Variants in LRP11 observed in about 807,000 individuals in gnomAD.
The protein encoded by LRP11 is LDL receptor related protein 11, also known as low-density lipoprotein receptor-related protein 11.
LRP11 carries 25 observed loss-of-function variants against 43.1 expected under a neutral mutation model. The ratio of observed to expected loss-of-function variants is 0.58; its 90% confidence interval spans 0.42 to 0.81. LRP11 has a LOEUF of 0.81. Among genes scored for constraint, LRP11 ranks in the 30% least tolerant of loss-of-function variants. The probability of loss-of-function intolerance (pLI) is 0.00; values close to 1 mark genes in which losing one functional copy is unlikely to be tolerated. For missense variants in LRP11, 623 were observed against 665.1 expected, an observed-to-expected ratio of 0.94 and a Z score of 0.70; for synonymous variants, 316 against 299.4, an observed-to-expected ratio of 1.06 and a Z score of -0.57.
chr6:149,855,681 C>T (rs766271539), intron 1 of LRP11, among the ~76,000 whole-genome samples: 42 of 147,916 alleles, frequency 2.8e-4, no homozygotes, highest in Non-Finnish European at 5.5e-4. Context: ...TGCTGCCAGC[C>T]ACAAAGGGAA....
At chr6:149,842,791 A>G in intron 3 of LRP11, 192 bp downstream of exon 3, 1 of 1,240,526 alleles carries the variant, frequency 8.1e-7, no homozygotes, top group African/African-American at 1.5e-5. Context: ...ACCCCAACCC[A>G]GTAGCATCGG....
intron 2 of LRP11, among the ~76,000 whole-genome samples, chr6:149,848,584 A>C (rs751301080): frequency 6.6e-6 from 1 of 152,222 alleles, no homozygotes; most frequent in Non-Finnish European, 1.5e-5. Context: ...TTGTAGGAAC[A>C]TGGATGCAGC....
chr6:149,832,221 T>C (rs1233195900), intron 5 of LRP11, among the ~76,000 whole-genome samples: 1 of 139,532 alleles, frequency 7.2e-6, no homozygotes, highest in Admixed American at 7.7e-5. Context: ...AGACTGAGTC[T>C]CACTCTGTCA....
intron 2 of LRP11, among the ~76,000 whole-genome samples, chr6:149,844,539 A>G (rs1191657777): frequency 6.6e-6 from 1 of 152,198 alleles, no homozygotes; most frequent in Non-Finnish European, 1.5e-5. Flanking sequence ...TCACTGCTGG[A>G]CAGTCAGCCT....
chr6:149,823,455 A>T (rs574092170), intron 6 of LRP11, among the ~76,000 whole-genome samples: 264 of 152,194 alleles, frequency 1.7e-3, no homozygotes, highest in Non-Finnish European at 2.8e-3. Flanking sequence ...GAAAGAGGCG[A>T]CACCTCTTCC....
chr6:149,859,396 A>ATATATATATATATATATATTTT, intron 1 of LRP11, among the ~76,000 whole-genome samples: 32 of 71,486 alleles, frequency 4.5e-4, no homozygotes, highest in Non-Finnish European at 6.2e-4. Context: ...ATATATATAT[A>ATATATATATATATATATATTTT]TTTTTTTTTT....
intron 2 of LRP11, among the ~76,000 whole-genome samples, chr6:149,847,053 A>T (rs1218383004): frequency 6.6e-6 from 1 of 152,076 alleles, no homozygotes; most frequent in Non-Finnish European, 1.5e-5. Flanking sequence ...AGCTGGGTGT[A>T]CCATCCATGA....
intron 1 of LRP11, 84 bp from the exon 2 acceptor site, chr6:149,853,244 T>C: frequency 9.2e-7 from 1 of 1,090,258 alleles, no homozygotes; most frequent in Non-Finnish European, 1.3e-6. Flanking sequence ...GCTGAATAGA[T>C]ATGATTCGGC....
intron 2 of LRP11, among the ~76,000 whole-genome samples, chr6:149,847,874 CACACAT>C (rs1241986990): frequency 8.0e-6 from 1 of 124,972 alleles, no homozygotes; most frequent in Non-Finnish European, 1.7e-5. Flanking sequence ...CACACACACA[CACACAT>C]TGTATATACT....
At chr6:149,850,033 A>C (rs879819814) in intron 2 of LRP11, among the ~76,000 whole-genome samples, 3 of 152,150 alleles carry the variant, frequency 2.0e-5, no homozygotes, top group Admixed American at 1.3e-4. Flanking sequence ...GGTGGAGAGC[A>C]GGGGAGATGA....
intron 1 of LRP11, among the ~76,000 whole-genome samples, chr6:149,859,021 G>C (rs1156904530): frequency 1.3e-5 from 2 of 151,736 alleles, no homozygotes; most frequent in African/African-American, 2.4e-5. Context: ...GTCAATATGA[G>C]TAAAACACTT....
In LRP11 at chr6:149,863,651, C is replaced by A; in HGVS notation, c.370G>T (p.Val124Leu). Residue 124 changes from valine to leucine, a missense_variant, in exon 1 of 7, where the codon GTG becomes TTG. Coordinates refer to ENST00000239367, the MANE Select transcript of LRP11 (RefSeq NM_032832.6). ...GCCACGCATTGCCGCCAGCCCCGCA[C>A]GGCCGCCGGCGCCCGCAGGAAGCTG... is the stretch of plus-strand genomic sequence containing the variant. ...GASFLRAPAA[V>L]RGWRQCVAAC... is the part of the protein sequence containing the mutation. 6.8e-7 allele frequency: 1 copy of A among 1,472,904 alleles called. No homozygotes were observed. Among genetic ancestry groups the A allele is most frequent in the East Asian group, 3.0e-5 (1 of 33,492 alleles). 91.2% of individuals were successfully genotyped at this position (1,472,904 alleles called of 1,614,324 possible).
At chr6:149,830,211 G>A (rs548730405) in intron 5 of LRP11, among the ~76,000 whole-genome samples, 18 of 151,844 alleles carry the variant, frequency 1.2e-4, no homozygotes, top group African/African-American at 3.6e-4. Context: ...GGGTTTCTCC[G>A]TGTTGGCCAG....
rs1334520099 is a variant in LRP11, at chr6:149,819,585, C to T, written c.*964G>A. 6.6e-6 allele frequency: 1 copy of T among 152,600 alleles called. No individual in the cohort carries two copies. Among genetic ancestry groups the T allele is most frequent in the Non-Finnish European group, 1.5e-5 (1 of 68,026 alleles). 9.5% of individuals were successfully genotyped at this position (152,600 alleles called of 1,614,324 possible). A position where few individuals can be genotyped will look rare whatever the true frequency, so the allele number is the denominator to read the frequency against. ...TCTAACATTTTATAGCATTAAAAAA[C>T]ATCGACTCATTCCATTGGATGAAAG... On this transcript the variant is annotated 3_prime_UTR_variant, in exon 7 of 7. Coordinates refer to ENST00000239367, the MANE Select transcript of LRP11 (RefSeq NM_032832.6).
chr6:149,837,999 C>A (rs1312145725), intron 3 of LRP11, among the ~76,000 whole-genome samples: 3 of 152,098 alleles, frequency 2.0e-5, no homozygotes, highest in African/African-American at 7.2e-5. Flanking sequence ...CTCACTGCAA[C>A]CTCCGCCTCC....
chr6:149,840,762 G>A (rs927623372), intron 3 of LRP11, among the ~76,000 whole-genome samples: 1 of 152,198 alleles, frequency 6.6e-6, no homozygotes, highest in Non-Finnish European at 1.5e-5. Context: ...GCCCTCTAGA[G>A]GGCGCCCAGA....
rs1218703419 is a variant in LRP11 at position 149,863,826 on chromosome 6, T to C, written c.195A>G (p.Gln65=). The part of the protein sequence containing the change: ...VEQLLEEFRR[Q]LQQERPQEEL... Reference sequence around the variant, plus strand: ...CCTCCTGAGGCCGCTCCTGCTGCAGTTGCCGGCGGAACTCCTCCAGCAGCT... The same window carrying C: ...CCTCCTGAGGCCGCTCCTGCTGCAGCTGCCGGCGGAACTCCTCCAGCAGCT... The change falls in exon 1 of 7, where the codon CAA becomes CAG. Residue 65 remains glutamine (Q), a synonymous_variant. Transcript: ENST00000239367. 4 of 1,509,916 alleles carry C rather than the reference T, an allele frequency of 2.6e-6. No individual in the cohort carries two copies. The highest frequency in any genetic ancestry group is 4.0e-5 in the Admixed American group (2 of 49,780). The allele number at this position is 1,509,916 out of a possible 1,614,324, so 93.5% of individuals were successfully genotyped here. A position where few individuals can be genotyped will look rare whatever the true frequency, so the allele number is the denominator to read the frequency against.
intron 1 of LRP11, among the ~76,000 whole-genome samples, chr6:149,859,076 AT>A (rs1425263091): frequency 6.6e-6 from 1 of 152,048 alleles, no homozygotes; most frequent in Non-Finnish European, 1.5e-5. Context: ...TTCCTAAAAA[AT>A]ATTCCAGAAG....
At chr6:149,842,815 A>G (rs1038063603) in intron 3 of LRP11, 168 bp downstream of exon 3, 1 of 1,208,040 alleles carries the variant, frequency 8.3e-7, no homozygotes, top group African/African-American at 1.5e-5. Context: ...AGCCCAAAAC[A>G]GAAGAGAGCC....
Sources: allele counts gnomAD v4.1 joint callset (sites outside exome capture counted in the v4.1 genomes callset), GRCh38; gene constraint gnomAD v4.1.1; transcripts MANE v1.5; gene names NCBI Gene and HGNC (gene_info 2026-07-23, HGNC 2026-07-21).